The following ERN2 variants were observed in gnomAD, a reference collection of about 807,000 sequenced individuals.
ERN2 encodes the protein serine/threonine-protein kinase/endoribonuclease IRE2.
ERN2 carries 111 observed loss-of-function variants against 107.9 expected under a neutral mutation model. That is an observed-to-expected ratio of 1.03 (90% confidence interval 0.88 to 1.20). The LOEUF (loss-of-function observed/expected upper bound fraction) is 1.20, where lower values mean the gene tolerates loss of function less well. Ranked by LOEUF, ERN2 falls within the 50% of genes most tolerant of loss-of-function variation. The pLI, the probability that ERN2 is intolerant of heterozygous loss-of-function variation, is 0.00. For synonymous variants in ERN2, 524 were observed against 501.7 expected, an observed-to-expected ratio of 1.04 and a Z score of -0.59; for missense variants, 1,225 against 1,197.9, an observed-to-expected ratio of 1.02 and a Z score of -0.33.
At chr16:23,696,684 C>T (rs1374000154) in intron 13 of ERN2, 1 of 152,244 alleles carries the variant, frequency 6.6e-6, no homozygotes, top group African/African-American at 2.4e-5. Flanking sequence ...ACTGCCCTTC[C>T]CTTTGGGCAG....
chr16:23,708,197 A>G (rs1445642211), intron 4 of ERN2, among the ~76,000 whole-genome samples: 1 of 152,032 alleles, frequency 6.6e-6, no homozygotes, highest in Non-Finnish European at 1.5e-5. Flanking sequence ...ATGTCACCCC[A>G]CTGTCACAAA....
intron 4 of ERN2, among the ~76,000 whole-genome samples, chr16:23,707,540 C>T (rs1480922400): frequency 1.3e-5 from 2 of 150,830 alleles, no homozygotes; most frequent in African/African-American, 4.9e-5. Flanking sequence ...ACGGTGAGAC[C>T]TCGTCTCTAC....
At chr16:23,691,082 G>T (rs372573407) in intron 21 of ERN2, 39 bp from the exon 22 acceptor site, 1 of 1,613,480 alleles carries the variant, frequency 6.2e-7, no homozygotes, top group East Asian at 2.2e-5. Context: ...GCTCAGCTGC[G>T]GCCAGGCCTT....
chr16:23,709,367 G>T, intron 4 of ERN2: 1 of 290,776 alleles, frequency 3.4e-6, no homozygotes, highest in South Asian at 2.8e-5. Flanking sequence ...GAGTCCTGAT[G>T]TGGAAGATTG....
intron 18 of ERN2, 30 bp downstream of exon 18, chr16:23,692,154 C>T: frequency 6.2e-7 from 1 of 1,613,986 alleles, no homozygotes; most frequent in East Asian, 2.2e-5. Context: ...GCCCGTCCTC[C>T]CTTCTCTGCC....
chr16:23,712,724 A>C, intron 1 of ERN2: 8 of 214,682 alleles, frequency 3.7e-5, no homozygotes, highest in Non-Finnish European at 5.5e-5. Flanking sequence ...ATTTCTCAGC[A>C]GAGGGCCCTG....
At position 23,704,977 on chromosome 16, in the gene ERN2, G is replaced by T. The variant is rs761902045; in HGVS notation, c.760C>A (p.His254Asn). 2.5e-6 allele frequency: 4 copies of T among 1,613,900 alleles called. No homozygotes were observed. In the African/African-American group the frequency reaches 5.3e-5, roughly 22 times the overall value. ...TGGCCCCAGCGGAGGGCGAGGAAATGCAGAGTGTCTCGAGCCAGCGTGAGA... is the reference window on the plus strand; with the variant it reads ...TGGCCCCAGCGGAGGGCGAGGAAATTCAGAGTGTCTCGAGCCAGCGTGAGA... ...PHLTLARDTL[H>N]FLALRWGHIR... Residue 254 changes from histidine to asparagine, a missense_variant, in exon 8 of 22, where the codon CAT becomes AAT. Physicochemically the swap from His to Asn is moderately conservative, Grantham distance 68. Transcript: ENST00000256797.
intron 14 of ERN2, 73 bp from the exon 15 acceptor site, chr16:23,695,462 A>C: frequency 4.2e-6 from 6 of 1,434,362 alleles, no homozygotes; most frequent in South Asian, 1.3e-5. Context: ...ATGGTGGCTC[A>C]CACCTGTAAT....
Position 23,702,543 on chromosome 16 carries a change from G to C in ERN2, c.934-6C>G, listed in dbSNP as rs1482186045. On this transcript the variant is annotated splice_region_variant and splice_polypyrimidine_tract_variant and intron_variant, in intron 9 of 21. Transcript: ENST00000256797. ...GCCAGGGTCAGTCCACGAGGCTATGGCAGAAGATGGAGAGCCATGAGTGAG... is the reference window on the plus strand; with the variant it reads ...GCCAGGGTCAGTCCACGAGGCTATGCCAGAAGATGGAGAGCCATGAGTGAG... 13 of 1,613,978 alleles carry C rather than the reference G, an allele frequency of 8.1e-6. No homozygotes were observed. The highest frequency in any genetic ancestry group is 1.1e-5 in the Non-Finnish European group (13 of 1,179,902).
chr16:23,693,626 T>C (rs1014518844), intron 17 of ERN2, among the ~76,000 whole-genome samples: 6 of 151,678 alleles, frequency 4.0e-5, no homozygotes, highest in Non-Finnish European at 7.4e-5. Context: ...AGGCCACTAA[T>C]TTAAATATAA....
rs1959732674 is a variant in ERN2, at chr16:23,694,811, T to C, written c.2017A>G (p.Ser673Gly). The change falls in exon 17 of 22, where the codon AGC becomes GGC. Residue 673 changes from serine to glycine, a missense_variant. Transcript: ENST00000256797. The stretch of plus-strand genomic sequence containing the variant: ...GGGATGCCGGAGTGGAGGCTGAAGC[T>C]ACAGCGGCCAGCAGGCAGCTTCTTG... ...LCKKLPAGRC[S>G]FSLHSGIPGT... 2 of 1,613,888 alleles carry C rather than the reference T, an allele frequency of 1.2e-6. No homozygotes were observed. Among genetic ancestry groups the C allele is most frequent in the Non-Finnish European group, 1.7e-6 (2 of 1,179,966 alleles).
rs1355449819 is a variant in ERN2 at position 23,692,070 on chromosome 16, G to C, written c.2269C>G (p.Leu757Val). The change falls in exon 19 of 22, where the codon CTG (leucine) becomes GTG (valine). Residue 757 changes from leucine to valine, a missense_variant. Transcript: ENST00000256797. ...EVHDKVVARDLVGAMLSPLPQ... is the reference protein window; with the variant it reads ...EVHDKVVARDVVGAMLSPLPQ... ...AGTGGGCTCAACATGGCTCCAACCA[G>C]GTCCCGGGCAACCACCTTGTCTGGA... 2 of 1,613,818 alleles carry C rather than the reference G, an allele frequency of 1.2e-6. No homozygotes were observed. Among genetic ancestry groups the C allele is most frequent in the South Asian group, 2.2e-5 (2 of 91,080 alleles).
rs1960231034 is a variant in ERN2 at position 23,704,851 on chromosome 16, T to C, written c.854+32A>G. On this transcript the variant is annotated intron_variant, in intron 8 of 21. Coordinates refer to ENST00000256797, the MANE Select transcript of ERN2 (RefSeq NM_033266.4). The stretch of plus-strand genomic sequence containing the variant: ...CCAGGTTGCGACACTCCCAGATGGC[T>C]CCCTCCCTGGGCCCCAGGCACGAAC... The C allele has an allele frequency of 2.5e-6, 4 of 1,595,194 alleles. No homozygotes were observed. In the East Asian group the frequency reaches 9.0e-5, roughly 36 times the overall value.
chr16:23,694,963 A>T, intron 16 of ERN2, 36 bp from the exon 17 acceptor site: 1 of 1,613,678 alleles, frequency 6.2e-7, no homozygotes, highest in Non-Finnish European at 8.5e-7. Context: ...CTGGTTGCTG[A>T]GGGCGGAAGG....
In ERN2 at chr16:23,702,133, C is replaced by T. The variant is rs977545373; in HGVS notation, c.1203+19G>A. The T allele has an allele frequency of 1.9e-6, 3 of 1,606,164 alleles. No individual in the cohort carries two copies. The highest frequency in any genetic ancestry group is 1.7e-5 in the Admixed American group (1 of 58,730). On this transcript the variant is annotated intron_variant, in intron 11 of 21. Transcript: ENST00000256797. ...GCTGGGGCCTCCCTACCCCCACTCT[C>T]TCCCCTCCCAGCACTGACCTCCAAG...
intron 11 of ERN2, among the ~76,000 whole-genome samples, chr16:23,701,527 C>T (rs2141013883): frequency 6.6e-6 from 1 of 152,288 alleles, no homozygotes; most frequent in Admixed American, 6.5e-5. Flanking sequence ...AAACCTCTCC[C>T]AGGAGCACAT....
In ERN2 at chr16:23,695,012, C is replaced by T. The variant is rs778913493; in HGVS notation, c.1900+7G>A. On this transcript the variant is annotated splice_region_variant and intron_variant, in intron 16 of 21. Coordinates refer to ENST00000256797, the MANE Select transcript of ERN2 (RefSeq NM_033266.4). ...CAGGGAGCGGGAGGCAGGGGAAGTGCGGGTACCTATGTGTAAAGAGTGCAG... is the reference window on the plus strand; with the variant it reads ...CAGGGAGCGGGAGGCAGGGGAAGTGTGGGTACCTATGTGTAAAGAGTGCAG... 1.9e-6 allele frequency: 3 copies of T among 1,612,696 alleles called. No individual in the cohort carries two copies. The highest frequency in any genetic ancestry group is 1.7e-6 in the Non-Finnish European group (2 of 1,179,246).
At position 23,700,986 on chromosome 16, in the gene ERN2, TC is replaced by T; in HGVS notation, c.1331del (p.Gly444GlufsTer7). The part of the protein sequence containing the change: ...LAASLTAVLL[G>X]GWILFVMRQQ... The stretch of plus-strand genomic sequence containing the variant: ...GCCTCATCACAAAGAGAATCCACCC[TC>T]CCAGGAGGACAGCAGTGAGGCTAGC... On this transcript the variant is annotated frameshift_variant, in exon 12 of 22. Transcript: ENST00000256797. LOFTEE classifies it high-confidence loss of function. 1 of 1,613,982 alleles carries T rather than the reference TC, an allele frequency of 6.2e-7. No homozygotes were observed. Among genetic ancestry groups the T allele is most frequent in the Non-Finnish European group, 8.5e-7 (1 of 1,179,954 alleles).
In ERN2 at chr16:23,695,119, C is replaced by T. The variant is rs1381402928; in HGVS notation, c.1801-1G>A. The T allele has an allele frequency of 3.1e-6, 5 of 1,613,964 alleles. No homozygotes were observed. The highest frequency in any genetic ancestry group is 4.2e-6 in the Non-Finnish European group (5 of 1,179,996). On this transcript the variant is annotated splice_acceptor_variant, in intron 15 of 21. Transcript: ENST00000256797. LOFTEE classifies it high-confidence loss of function. ...GATCCAGGTCCGGGTTTTCTACGTA[C>T]TGAGCAGCAGCAAGGGCCAAAGCAT...
Sources: gnomAD v4.1 joint callset for allele counts (sites outside exome capture counted in the v4.1 genomes callset) on GRCh38, gnomAD v4.1.1 for gene constraint, MANE v1.5 for transcripts, NCBI Gene and HGNC (gene_info 2026-07-23, HGNC 2026-07-21) for gene names.